SERINC5: variants seen among roughly 807,000 people sequenced by gnomAD.
SERINC5 encodes the protein serine incorporator 5.
SERINC5 carries 41 observed loss-of-function variants against 63.1 expected under a neutral mutation model. The ratio of observed to expected loss-of-function variants is 0.65; its 90% confidence interval spans 0.51 to 0.84. SERINC5 has a LOEUF of 0.84. SERINC5 is among the 40% of genes least tolerant of loss of function. SERINC5 has a pLI of 0.00. For synonymous variants in SERINC5, 222 were observed against 215.2 expected (o/e 1.03, Z -0.28); for missense variants, 523 against 573.0 (o/e 0.91, Z 0.89).
chr5:80,212,806 T>C (rs1399605463), intron 1 of SERINC5, among the ~76,000 whole-genome samples: 1 of 152,106 alleles, frequency 6.6e-6, no homozygotes, highest in African/African-American at 2.4e-5. Flanking sequence ...TAAAGGAGTG[T>C]TTTACTGAAC....
intron 1 of SERINC5, among the ~76,000 whole-genome samples, chr5:80,229,050 T>TGGGGGTGG (rs1174325559): frequency 5.3e-5 from 5 of 94,104 alleles, no homozygotes; most frequent in African/African-American, 7.8e-5. Flanking sequence ...TTTTTTTTTT[T>TGGGGGTGG]GGGGATGGAG....
chr5:80,119,569 G>A (rs1410861564), intron 11 of SERINC5, among the ~76,000 whole-genome samples: 3 of 152,186 alleles, frequency 2.0e-5, no homozygotes, highest in African/African-American at 7.2e-5. Context: ...TCCACATGAC[G>A]CCATTCCTAC....
At chr5:80,224,576 C>A (rs1021500152) in intron 1 of SERINC5, among the ~76,000 whole-genome samples, 1 of 152,122 alleles carries the variant, frequency 6.6e-6, no homozygotes, top group African/African-American at 2.4e-5. Context: ...AGAAAATAGG[C>A]AGCAGAAACA....
chr5:80,111,228 G>C (rs745825148), downstream of SERINC5, among the ~76,000 whole-genome samples: 3 of 152,184 alleles, frequency 2.0e-5, no homozygotes, highest in Admixed American at 6.5e-5. Context: ...ACTCTGAGAC[G>C]AATTGAGGAG....
chr5:80,203,723 T>A (rs542405051), intron 1 of SERINC5, among the ~76,000 whole-genome samples: 15 of 152,000 alleles, frequency 9.9e-5, no homozygotes, highest in Middle Eastern at 3.4e-3. Context: ...TGGAATTTCC[T>A]GAGTGACAGA....
chr5:80,137,640 CTCA>C (rs763055526), downstream of SERINC5, among the ~76,000 whole-genome samples: 1 of 70,044 alleles, frequency 1.4e-5, no homozygotes, highest in Non-Finnish European at 3.5e-5. Flanking sequence ...AAGACTCTAA[CTCA>C]AAAAAAAAAA....
intron 2 of SERINC5, among the ~76,000 whole-genome samples, chr5:80,187,670 A>C (rs538790651): frequency 6.6e-6 from 1 of 152,224 alleles, no homozygotes; most frequent in Non-Finnish European, 1.5e-5. Context: ...GGGTTATCTG[A>C]GCATTTTTAA....
At chr5:80,163,241 C>G (rs944080391) in intron 7 of SERINC5, among the ~76,000 whole-genome samples, 6 of 151,966 alleles carry the variant, frequency 3.9e-5, no homozygotes, top group African/African-American at 1.5e-4. Flanking sequence ...TTTGGTGGAG[C>G]CTTTTGGGTT....
chr5:80,180,700 G>A (rs1748361926), intron 2 of SERINC5, among the ~76,000 whole-genome samples: 2 of 152,174 alleles, frequency 1.3e-5, no homozygotes, highest in Admixed American at 6.5e-5. Context: ...ATTTTAACTA[G>A]TGCCCAGTAA....
At chr5:80,212,402 C>T (rs79327043) in intron 1 of SERINC5, among the ~76,000 whole-genome samples, 1 of 152,194 alleles carries the variant, frequency 6.6e-6, no homozygotes, top group African/African-American at 2.4e-5. Context: ...GAGTTCCACA[C>T]CTTTCAGTAA....
At chr5:80,131,191 T>C (rs1009142336) in intron 11 of SERINC5, among the ~76,000 whole-genome samples, 3 of 152,150 alleles carry the variant, frequency 2.0e-5, no homozygotes, top group Non-Finnish European at 2.9e-5. Context: ...AACTGAATCA[T>C]GGGACTGGGT....
At chr5:80,180,151 A>G (rs925588061) in intron 2 of SERINC5, among the ~76,000 whole-genome samples, 1 of 152,188 alleles carries the variant, frequency 6.6e-6, no homozygotes, top group African/African-American at 2.4e-5. Flanking sequence ...AGACTTCCAC[A>G]TGAAATAATC....
chr5:80,169,033 C>T (rs1185610934), intron 6 of SERINC5, among the ~76,000 whole-genome samples: 2 of 152,188 alleles, frequency 1.3e-5, no homozygotes, highest in Non-Finnish European at 2.9e-5. Context: ...TTGATATACA[C>T]GGAAGGCATT....
intron 7 of SERINC5, among the ~76,000 whole-genome samples, chr5:80,165,745 T>C (rs1328320155): frequency 6.6e-6 from 1 of 152,156 alleles, no homozygotes; most frequent in Non-Finnish European, 1.5e-5. Flanking sequence ...TCCACTGCTA[T>C]AGTCAGAAAA....
intron 11 of SERINC5, among the ~76,000 whole-genome samples, chr5:80,125,438 C>T (rs1744711161): frequency 1.3e-5 from 2 of 152,068 alleles, no homozygotes; most frequent in Admixed American, 1.3e-4. Context: ...GTGTTTCAGG[C>T]AGAAGCAAGG....
At chr5:80,163,912 C>G (rs1201694180) in intron 7 of SERINC5, among the ~76,000 whole-genome samples, 1 of 152,050 alleles carries the variant, frequency 6.6e-6, no homozygotes, top group Non-Finnish European at 1.5e-5. Context: ...GTTCTCTCCT[C>G]CTCCATTTTT....
chr5:80,217,247 T>C lies in SERINC5; in HGVS notation c.28-14194A>G, dbSNP rs542988679. ...GGGCAGAAACCCTGCTCGTTCTACTTTATAAATAGTAGCTTATCAACCGGC... is the reference window on the plus strand; with the variant it reads ...GGGCAGAAACCCTGCTCGTTCTACTCTATAAATAGTAGCTTATCAACCGGC... On this transcript the variant is annotated intron_variant, in intron 1 of 11. Transcript: ENST00000507668. Among the ~76,000 whole-genome samples the C allele has an allele frequency of 2.6e-5, 4 of 152,304 alleles. No homozygotes were observed. The East Asian group carries it at 7.7e-4, about 29-fold the overall frequency.
In SERINC5 at chr5:80,158,907, G is replaced by T. The variant is rs1561378406; in HGVS notation, c.915C>A (p.Asp305Glu). The T allele has an allele frequency of 6.2e-7, 1 of 1,613,604 alleles. No homozygotes were observed. The highest frequency in any genetic ancestry group is 1.1e-5 in the South Asian group (1 of 91,070). The change falls in exon 8 of 12, where the codon GAC (aspartate) becomes GAA (glutamate). Residue 305 changes from aspartate to glutamate, a missense_variant. Transcript: ENST00000507668. ...VTICVPDFGQ[D>E]LYRDENLVTI... ...TCACCAAGTTTTCATCTCTGTACAG[G>T]TCTTGACCAAAGTCAGGCACACAGA...
Position 80,238,103 on chromosome 5 carries a change from C to CAAAA in SERINC5, c.27+17789_27+17792dup, listed in dbSNP as rs759062486. Among the ~76,000 whole-genome samples, 9 of 65,636 alleles carry CAAAA rather than the reference C, an allele frequency of 1.4e-4. No homozygotes were observed. In the South Asian group the frequency reaches 1.7e-3, roughly 13 times the overall value. 43.1% of individuals were successfully genotyped at this position (65,636 alleles called of 152,430 possible). On this transcript the variant is annotated intron_variant, in intron 1 of 11. Coordinates refer to ENST00000507668, the MANE Select transcript of SERINC5 (RefSeq NM_001174072.3). ...TGGGCGACAGAGTAAGACTCTGTCTCAAAAAAAAAAAAAAAAAAAGAAAAG... is the reference window on the plus strand; with the variant it reads ...TGGGCGACAGAGTAAGACTCTGTCTCAAAAAAAAAAAAAAAAAAAAAAAGAAAAG...
Sources: allele counts gnomAD v4.1 joint callset (sites outside exome capture counted in the v4.1 genomes callset), GRCh38; gene constraint gnomAD v4.1.1; transcripts MANE v1.5; gene names NCBI Gene and HGNC (gene_info 2026-07-23, HGNC 2026-07-21).